DCDC2: variants seen among roughly 807,000 people sequenced by gnomAD.
DCDC2 encodes doublecortin domain-containing protein 2.
Under a neutral mutation model 50.2 loss-of-function variants are expected in DCDC2, and 40 were observed. That is an observed-to-expected ratio of 0.80 (90% CI 0.62 to 1.04). The LOEUF is 1.04. Among genes scored for constraint, DCDC2 ranks in the 50% least tolerant of loss-of-function variants. The pLI, the probability that DCDC2 is intolerant of heterozygous loss-of-function variation, is 0.00. For synonymous variants in DCDC2, 234 were observed against 210.6 expected (o/e 1.11, Z -0.96); for missense variants, 570 against 581.9 (o/e 0.98, Z 0.21).
At chr6:24,212,609 T>C (rs1194619971) in intron 7 of DCDC2, among the ~76,000 whole-genome samples, 1 of 152,162 alleles carries the variant, frequency 6.6e-6, no homozygotes, top group Non-Finnish European at 1.5e-5. Context: ...AAGGATAAAT[T>C]TGATACACAA....
At chr6:24,375,522 C>T in the DCDC2 span, among the ~76,000 whole-genome samples, 1 of 152,184 alleles carries the variant, frequency 6.6e-6, no homozygotes, top group African/African-American at 2.4e-5. Context: ...TTGTTATTCT[C>T]TCTGCATAGA....
intron 6 of DCDC2, among the ~76,000 whole-genome samples, chr6:24,280,149 C>T (rs1763440275): frequency 6.6e-6 from 1 of 152,114 alleles, no homozygotes; most frequent in Non-Finnish European, 1.5e-5. Flanking sequence ...ATGGATTTAG[C>T]CATCATCCAA....
intron 7 of DCDC2, among the ~76,000 whole-genome samples, chr6:24,219,081 T>C (rs1426083700): frequency 7.2e-5 from 11 of 152,066 alleles, no homozygotes; most frequent in South Asian, 6.2e-4. Context: ...AATATTTCCA[T>C]TGTATTAAGT....
rs78518746 is a variant in DCDC2 at position 24,255,158 on chromosome 6, C to T, written c.922+22891G>A. Among the ~76,000 whole-genome samples, 1,253 of 152,106 alleles carry T rather than the reference C, an allele frequency of 8.2e-3. 9 individuals carry two copies. The highest frequency in any genetic ancestry group is 0.015 in the African/African-American group (604 of 41,516). On this transcript the variant is annotated intron_variant, in intron 7 of 9. Transcript: ENST00000378454. ...GGTATAGAGAGAACAGAAACTGATT[C>T]ACATATACATAAATATCTAAGTTAA... is the stretch of plus-strand genomic sequence containing the variant.
chr6:24,367,007 A>T, the DCDC2 span, among the ~76,000 whole-genome samples: 1 of 151,886 alleles, frequency 6.6e-6, no homozygotes, highest in African/African-American at 2.4e-5. Flanking sequence ...TAATTTTTTT[A>T]AATGTTGTGG....
intron 7 of DCDC2, among the ~76,000 whole-genome samples, chr6:24,264,700 C>CAGAAG (rs533043294): frequency 3.4e-4 from 51 of 150,958 alleles, no homozygotes; most frequent in African/African-American, 1.1e-3. Context: ...AAAAGGAAGA[C>CAGAAG]AGAAGAGAAG....
intron 8 of DCDC2, among the ~76,000 whole-genome samples, chr6:24,200,535 G>C (rs1046616717): frequency 7.9e-5 from 12 of 152,118 alleles, no homozygotes; most frequent in African/African-American, 2.7e-4. Flanking sequence ...AGAAAAACCA[G>C]TACCAGCCAC....
chr6:24,242,295 G>T (rs978540222), intron 7 of DCDC2, among the ~76,000 whole-genome samples: 1 of 152,136 alleles, frequency 6.6e-6, no homozygotes, highest in Non-Finnish European at 1.5e-5. Context: ...GGCCCTTTGA[G>T]CTCTGTGTTT....
At chr6:24,226,754 G>A (rs930069954) in intron 7 of DCDC2, among the ~76,000 whole-genome samples, 15 of 152,172 alleles carry the variant, frequency 9.9e-5, no homozygotes, top group Admixed American at 2.6e-4. Flanking sequence ...GAAATAGACC[G>A]AACAGTATCC....
At chr6:24,277,960 G>A in intron 7 of DCDC2, 89 bp downstream of exon 7, 1 of 1,070,468 alleles carries the variant, frequency 9.3e-7, no homozygotes, top group Non-Finnish European at 1.3e-6. Context: ...ATGAAAATAA[G>A]GAATATCTTC....
At chr6:24,262,930 C>T (rs1014496288) in intron 7 of DCDC2, among the ~76,000 whole-genome samples, 1 of 152,202 alleles carries the variant, frequency 6.6e-6, no homozygotes, top group Non-Finnish European at 1.5e-5. Context: ...CCCAGTGTTG[C>T]CCTGGCTTTA....
At chr6:24,262,469 C>T (rs1226224536) in intron 7 of DCDC2, among the ~76,000 whole-genome samples, 1 of 152,210 alleles carries the variant, frequency 6.6e-6, no homozygotes, top group Non-Finnish European at 1.5e-5. Context: ...CCTGGTGCTG[C>T]GCTGCCCTTG....
chr6:24,380,960 A>C, the DCDC2 span, among the ~76,000 whole-genome samples: 12 of 151,954 alleles, frequency 7.9e-5, no homozygotes, highest in African/African-American at 2.7e-4. Flanking sequence ...GTGTGGGCCT[A>C]TAGTCCCAAG....
intron 7 of DCDC2, among the ~76,000 whole-genome samples, chr6:24,266,827 A>G (rs1458080826): frequency 6.6e-6 from 1 of 152,240 alleles, no homozygotes; most frequent in Non-Finnish European, 1.5e-5. Flanking sequence ...AAGAAAGGAA[A>G]TCAGTATATC....
At chr6:24,226,300 T>G (rs1479068080) in intron 7 of DCDC2, among the ~76,000 whole-genome samples, 2 of 152,136 alleles carry the variant, frequency 1.3e-5, no homozygotes, top group East Asian at 3.9e-4. Flanking sequence ...GATGCCACAA[T>G]AAAGGTGTGT....
intron 2 of DCDC2, among the ~76,000 whole-genome samples, chr6:24,311,737 T>G (rs1220855918): frequency 6.6e-6 from 1 of 152,230 alleles, no homozygotes; most frequent in African/African-American, 2.4e-5. Context: ...AGCAGTCACA[T>G]GAATCCACTT....
At chr6:24,203,169 T>C (rs367852156) in intron 8 of DCDC2, among the ~76,000 whole-genome samples, 4 of 152,060 alleles carry the variant, frequency 2.6e-5, no homozygotes, top group East Asian at 3.9e-4. Flanking sequence ...AAAGAGCCCA[T>C]ATAGCCAAGA....
chr6:24,338,458 C>T (rs547331315), intron 2 of DCDC2, among the ~76,000 whole-genome samples: 78 of 152,130 alleles, frequency 5.1e-4, no homozygotes, highest in Non-Finnish European at 3.4e-4. Context: ...TTCTTCATTA[C>T]CCCACATCCA....
intron 7 of DCDC2, among the ~76,000 whole-genome samples, chr6:24,231,395 A>G (rs1244535605): frequency 6.6e-6 from 1 of 152,156 alleles, no homozygotes; most frequent in African/African-American, 2.4e-5. Flanking sequence ...GAGACCCATG[A>G]AGAAGGAAAA....
Sources: gnomAD v4.1 joint callset for allele counts (sites outside exome capture counted in the v4.1 genomes callset) on GRCh38, gnomAD v4.1.1 for gene constraint, MANE v1.5 for transcripts, NCBI Gene and HGNC (gene_info 2026-07-23, HGNC 2026-07-21) for gene names.